Variants in L3MBTL4 observed in about 807,000 individuals in gnomAD.
L3MBTL4 encodes lethal(3)malignant brain tumor-like protein 4.
Under a neutral mutation model 84.5 loss-of-function variants are expected in L3MBTL4, and 70 were observed. The observed-to-expected ratio is 0.83, with a 90% CI of 0.68 to 1.01. The LOEUF is 1.01. Among genes scored for constraint, L3MBTL4 ranks in the 50% least tolerant of loss-of-function variants. The pLI is 0.00. For synonymous variants in L3MBTL4, 274 were observed against 259.8 expected (o/e 1.05, Z -0.52); for missense variants, 715 against 754.8 (o/e 0.95, Z 0.62).
intron 13 of L3MBTL4, among the ~76,000 whole-genome samples, chr18:6,152,060 T>G (rs2042920320): frequency 6.6e-6 from 1 of 152,228 alleles, no homozygotes; most frequent in South Asian, 2.1e-4. Context: ...ATGACAGGAT[T>G]TCTTTCTTTT....
At chr18:6,207,474 A>G (rs990360251) in intron 12 of L3MBTL4, among the ~76,000 whole-genome samples, 1 of 152,194 alleles carries the variant, frequency 6.6e-6, no homozygotes, top group African/African-American at 2.4e-5. Context: ...ACACAGCAGC[A>G]TGGGGGTTTG....
At chr18:6,242,939 C>T (rs886936074) in intron 7 of L3MBTL4, among the ~76,000 whole-genome samples, 1 of 152,124 alleles carries the variant, frequency 6.6e-6, no homozygotes, top group African/African-American at 2.4e-5. Context: ...CCTCACCTTG[C>T]TGTATCATTG....
At chr18:5,964,662 G>A (rs889156655) in intron 17 of L3MBTL4, among the ~76,000 whole-genome samples, 1 of 152,146 alleles carries the variant, frequency 6.6e-6, no homozygotes, top group Non-Finnish European at 1.5e-5. Flanking sequence ...ACTTGGTTGA[G>A]GCTAGGGCAA....
chr18:6,202,435 T>C (rs574188740), intron 12 of L3MBTL4, among the ~76,000 whole-genome samples: 19 of 152,156 alleles, frequency 1.2e-4, no homozygotes, highest in Non-Finnish European at 2.1e-4. Context: ...TGTGGTCCAG[T>C]CCATATGTTT....
intron 1 of L3MBTL4, among the ~76,000 whole-genome samples, chr18:6,331,047 C>T (rs557618523): frequency 2.6e-5 from 4 of 152,196 alleles, no homozygotes; most frequent in African/African-American, 9.6e-5. Flanking sequence ...TTATATTACA[C>T]AACTCAGTTC....
chr18:6,332,409 T>G (rs2052085927), intron 1 of L3MBTL4, among the ~76,000 whole-genome samples: 1 of 152,286 alleles, frequency 6.6e-6, no homozygotes, highest in Middle Eastern at 3.4e-3. Context: ...CTACCTGATT[T>G]TTAGTTTGGG....
chr18:5,979,501 G>T (rs796966192), intron 16 of L3MBTL4, among the ~76,000 whole-genome samples: 27 of 152,268 alleles, frequency 1.8e-4, no homozygotes, highest in African/African-American at 6.5e-4. Context: ...CTTCATGAAG[G>T]ATGGTGCTAT....
intron 16 of L3MBTL4, among the ~76,000 whole-genome samples, chr18:6,055,517 T>A (rs961823263): frequency 1.3e-5 from 2 of 152,216 alleles, no homozygotes; most frequent in Non-Finnish European, 2.9e-5. Flanking sequence ...CTGATTGATT[T>A]TTTTGCTGGG....
At chr18:6,016,925 A>AGCCAG (rs1186714058) in intron 16 of L3MBTL4, among the ~76,000 whole-genome samples, 1 of 152,048 alleles carries the variant, frequency 6.6e-6, no homozygotes, top group African/African-American at 2.4e-5. Flanking sequence ...ATGGAGAAGC[A>AGCCAG]GCCAGGCCAG....
At chr18:6,172,940 C>T (rs1355139200) in intron 12 of L3MBTL4, among the ~76,000 whole-genome samples, 1 of 152,074 alleles carries the variant, frequency 6.6e-6, no homozygotes, top group Non-Finnish European at 1.5e-5. Context: ...AATATTTTTT[C>T]TCAAGAGTCG....
intron 16 of L3MBTL4, among the ~76,000 whole-genome samples, chr18:6,079,667 G>T (rs562997410): frequency 6.6e-6 from 1 of 152,158 alleles, no homozygotes. Context: ...ACTCTGTGGA[G>T]ATATTTTCAA....
At chr18:6,200,945 T>C (rs2045624324) in intron 12 of L3MBTL4, among the ~76,000 whole-genome samples, 1 of 152,204 alleles carries the variant, frequency 6.6e-6, no homozygotes. Flanking sequence ...TTTGCACCAA[T>C]AAATAACCTA....
intron 13 of L3MBTL4, among the ~76,000 whole-genome samples, chr18:6,167,201 A>G (rs2043713040): frequency 6.6e-6 from 1 of 152,200 alleles, no homozygotes; most frequent in Non-Finnish European, 1.5e-5. Context: ...TACCAACCAA[A>G]AAGAGTCCAG....
intron 12 of L3MBTL4, among the ~76,000 whole-genome samples, chr18:6,207,468 A>G (rs574854036): frequency 6.6e-6 from 1 of 152,336 alleles, no homozygotes; most frequent in Admixed American, 6.5e-5. Context: ...GCAAGGACAC[A>G]GCAGCATGGG....
intron 16 of L3MBTL4, among the ~76,000 whole-genome samples, chr18:5,978,919 G>T (rs1388661417): frequency 6.6e-6 from 1 of 152,142 alleles, no homozygotes; most frequent in African/African-American, 2.4e-5. Flanking sequence ...AGGGGCAGGG[G>T]AACGAATATA....
chr18:6,040,800 C>T (rs1428927553), intron 16 of L3MBTL4, among the ~76,000 whole-genome samples: 3 of 152,168 alleles, frequency 2.0e-5, no homozygotes, highest in South Asian at 2.1e-4. Flanking sequence ...TGGCTCCACT[C>T]GACCCTTATC....
Position 6,306,399 on chromosome 18 carries a change from A to T in L3MBTL4, c.73-4442T>A, listed in dbSNP as rs578007873. On this transcript the variant is annotated intron_variant, in intron 3 of 18. Coordinates refer to ENST00000317931, the MANE Select transcript of L3MBTL4 (RefSeq NM_001330559.2). ...AAAGTGTTTGCTAAGACACATACAA[A>T]AAACAAAAAGCAAAAAATATAACAA... 1.2e-4 allele frequency among the ~76,000 whole-genome samples: 18 copies of T among 152,344 alleles called. No individual in the cohort carries two copies. In the South Asian group the frequency reaches 3.5e-3, roughly 30 times the overall value.
At chr18:6,048,272 T>C (rs2056705742) in intron 16 of L3MBTL4, among the ~76,000 whole-genome samples, 1 of 152,186 alleles carries the variant, frequency 6.6e-6, no homozygotes, top group East Asian at 1.9e-4. Context: ...TGTTCATGGA[T>C]TGGAAAAATT....
At chr18:6,102,258 T>A (rs1474820896) in intron 14 of L3MBTL4, among the ~76,000 whole-genome samples, 1 of 152,236 alleles carries the variant, frequency 6.6e-6, no homozygotes, top group East Asian at 1.9e-4. Context: ...TATTTATTGA[T>A]GTCACTCAAA....
Sources: gnomAD v4.1 joint callset for allele counts (sites outside exome capture counted in the v4.1 genomes callset) on GRCh38, gnomAD v4.1.1 for gene constraint, MANE v1.5 for transcripts, NCBI Gene and HGNC (gene_info 2026-07-23, HGNC 2026-07-21) for gene names.